The following JAK2 variants were observed in gnomAD, a reference collection of about 807,000 sequenced individuals.
JAK2 encodes the protein Janus kinase 2.
JAK2 carries 86 observed loss-of-function variants against 139.3 expected under a neutral mutation model. The observed-to-expected ratio is 0.62, with a 90% CI of 0.52 to 0.74. The LOEUF (loss-of-function observed/expected upper bound fraction) is 0.74. Among genes scored for constraint, JAK2 ranks in the 30% least tolerant of loss-of-function variants. JAK2 has a pLI of 0.00. For missense variants in JAK2, 1,421 were observed against 1,360.3 expected (o/e 1.04, Z -0.70); for synonymous variants, 490 against 437.7 (o/e 1.12, Z -1.49).
At chr9:4,989,146 G>A (rs1318110072) in intron 2 of JAK2, among the ~76,000 whole-genome samples, 2 of 152,142 alleles carry the variant, frequency 1.3e-5, no homozygotes, top group Non-Finnish European at 2.9e-5. Flanking sequence ...TGACTTTTAA[G>A]ATAGTCTATT....
At chr9:5,066,856 T>C in intron 10 of JAK2, 67 bp downstream of exon 10, 1 of 635,462 alleles carries the variant, frequency 1.6e-6, no homozygotes, top group South Asian at 3.2e-5. Context: ...TCCATATTTA[T>C]TTACCATATT....
chr9:5,011,708 A>C (rs1483046319), intron 2 of JAK2, among the ~76,000 whole-genome samples: 1 of 152,188 alleles, frequency 6.6e-6, no homozygotes, highest in African/African-American at 2.4e-5. Flanking sequence ...TGGGTGATAC[A>C]GTGTAGAAAC....
intron 2 of JAK2, 49 bp from the exon 3 acceptor site, chr9:5,021,914 T>G: frequency 4.5e-6 from 5 of 1,111,990 alleles, no homozygotes; most frequent in Non-Finnish European, 5.4e-6. Flanking sequence ...ATTACAGGTG[T>G]GAGACACTGC....
intron 9 of JAK2, among the ~76,000 whole-genome samples, chr9:5,066,279 T>G (rs548397561): frequency 6.6e-6 from 1 of 152,144 alleles, no homozygotes; most frequent in Non-Finnish European, 1.5e-5. Context: ...ATTCAGATTT[T>G]TATGTCAGTA....
intron 3 of JAK2, among the ~76,000 whole-genome samples, chr9:5,023,062 T>TGTTAACTATAGTCA (rs1375164847): frequency 1.3e-5 from 2 of 152,250 alleles, no homozygotes; most frequent in Admixed American, 1.3e-4. Context: ...AATACATTGT[T>TGTTAACTATAGTCA]GTTAACTATA....
At chr9:5,074,259 C>T (rs181020356) in intron 14 of JAK2, among the ~76,000 whole-genome samples, 1 of 151,938 alleles carries the variant, frequency 6.6e-6, no homozygotes, top group Admixed American at 6.6e-5. Context: ...AAGTATAAAT[C>T]GTACCCCATG....
intron 22 of JAK2, among the ~76,000 whole-genome samples, chr9:5,120,129 T>C (rs1823502108): frequency 6.6e-6 from 1 of 152,202 alleles, no homozygotes; most frequent in Non-Finnish European, 1.5e-5. Flanking sequence ...GCTGCTCTCT[T>C]CTTTCCAAGA....
At chr9:5,081,016 C>G (rs533666089) in intron 18 of JAK2, among the ~76,000 whole-genome samples, 22 of 150,790 alleles carry the variant, frequency 1.5e-4, no homozygotes, top group Non-Finnish European at 2.5e-4. Flanking sequence ...CTGCCTCAGC[C>G]TCCTGAGTAG....
chr9:5,064,495 A>G (rs1586728075), intron 8 of JAK2, among the ~76,000 whole-genome samples: 1 of 151,794 alleles, frequency 6.6e-6, no homozygotes, highest in Non-Finnish European at 1.5e-5. Flanking sequence ...GTGCCAGTGC[A>G]CTTCAGCCTG....
At chr9:4,995,257 A>G (rs1294983479) in intron 2 of JAK2, among the ~76,000 whole-genome samples, 1 of 152,200 alleles carries the variant, frequency 6.6e-6, no homozygotes, top group East Asian at 1.9e-4. Flanking sequence ...GAGCTCTTAT[A>G]CTAAGGAAGA....
At chr9:5,059,477 G>T (rs143992802) in intron 8 of JAK2, among the ~76,000 whole-genome samples, 1 of 152,114 alleles carries the variant, frequency 6.6e-6, no homozygotes, top group African/African-American at 2.4e-5. Context: ...TGGACATTTG[G>T]GTTGCTTTCA....
intron 4 of JAK2, among the ~76,000 whole-genome samples, chr9:5,030,758 CTTCT>C (rs1823090746): frequency 6.6e-6 from 1 of 151,994 alleles, no homozygotes; most frequent in Admixed American, 6.6e-5. Flanking sequence ...TATTGTTTTG[CTTCT>C]TTCTCTTCCC....
intron 14 of JAK2, among the ~76,000 whole-genome samples, chr9:5,075,576 T>C (rs981433476): frequency 2.6e-5 from 4 of 152,222 alleles, no homozygotes; most frequent in East Asian, 1.9e-4. Flanking sequence ...GCATGGTTTA[T>C]TGACTATTTT....
chr9:4,995,847 CT>C (rs1022945212), intron 2 of JAK2, among the ~76,000 whole-genome samples: 3 of 151,524 alleles, frequency 2.0e-5, no homozygotes, highest in Admixed American at 1.3e-4. Flanking sequence ...TTAGTTTTAC[CT>C]TTTTTTTAAA....
intron 4 of JAK2, chr9:5,041,998 G>A (rs1563949644): frequency 2.8e-6 from 1 of 354,292 alleles, no homozygotes; most frequent in South Asian, 2.3e-5. Context: ...GGGCCTTGGG[G>A]CCCACCCACA....
intron 22 of JAK2, among the ~76,000 whole-genome samples, chr9:5,105,714 GAGAT>G (rs1048755859): frequency 3.3e-5 from 5 of 152,224 alleles, no homozygotes; most frequent in Admixed American, 1.3e-4. Context: ...TACCCAAACA[GAGAT>G]AGACCAATGG....
intron 7 of JAK2, among the ~76,000 whole-genome samples, 169 bp downstream of exon 7, chr9:5,055,053 T>G (rs540146369): frequency 4.9e-4 from 74 of 152,154 alleles, no homozygotes; most frequent in South Asian, 8.3e-4. Context: ...TTGCCTACTA[T>G]TCTTAAATGG....
chr9:5,010,443 C>A (rs535493083), intron 2 of JAK2, among the ~76,000 whole-genome samples: 1 of 152,092 alleles, frequency 6.6e-6, no homozygotes, highest in Non-Finnish European at 1.5e-5. Context: ...GCCTCAGCCT[C>A]CCGTGTAGCT....
intron 2 of JAK2, among the ~76,000 whole-genome samples, chr9:4,994,728 C>T (rs932250995): frequency 3.3e-5 from 5 of 152,134 alleles, no homozygotes; most frequent in African/African-American, 1.2e-4. Flanking sequence ...TATGTGTGAA[C>T]TGTGCTCTGC....
Sources: allele counts gnomAD v4.1 joint callset (sites outside exome capture counted in the v4.1 genomes callset), GRCh38; gene constraint gnomAD v4.1.1; transcripts MANE v1.5; gene names NCBI Gene and HGNC (gene_info 2026-07-23, HGNC 2026-07-21).